TDRD9: variants seen among roughly 807,000 people sequenced by gnomAD.
The protein encoded by TDRD9 is tudor domain containing 9.
Under a neutral mutation model 172.6 loss-of-function variants are expected in TDRD9, and 124 were observed. The observed-to-expected ratio is 0.72, with a 90% CI of 0.62 to 0.83. The LOEUF (loss-of-function observed/expected upper bound fraction) is 0.83. Among genes scored for constraint, TDRD9 ranks in the 40% least tolerant of loss-of-function variants. The probability of loss-of-function intolerance (pLI) is 0.00; values close to 1 mark genes in which losing one functional copy is unlikely to be tolerated. For synonymous variants in TDRD9, 619 were observed against 617.1 expected, an observed-to-expected ratio of 1.00 and a Z score of -0.05; for missense variants, 1,479 against 1,714.1, an observed-to-expected ratio of 0.86 and a Z score of 2.42.
chr14:103,930,212 G>A (rs1304325328), intron 1 of TDRD9, among the ~76,000 whole-genome samples: 1 of 151,270 alleles, frequency 6.6e-6, no homozygotes, highest in Non-Finnish European at 1.5e-5. Context: ...TTGAGACATA[G>A]TTTCGCTCTT....
In TDRD9 at chr14:104,031,193, A is replaced by T. The variant is rs2035268858; in HGVS notation, c.3368A>T (p.Asp1123Val). The T allele has an allele frequency of 2.6e-6, 4 of 1,551,734 alleles. No individual in the cohort carries two copies. ...TCTGTGCCCTTTCCCATGAAAGACG[A>T]CGAGAAATATCTCATCCGGATTTTG... ...DGSVPFPMKD[D>V]EKYLIRILLE... Residue 1123 changes from aspartate (D) to valine (V), a missense_variant, in exon 29 of 36, where the codon GAC becomes GTC. By Grantham distance (152) the Asp-to-Val change is radical (BLOSUM62 -3). Around this residue, in one of 3 missense-constraint regions of TDRD9, gnomAD observed 1,413 missense variants for 1,649.1 expected, o/e 0.86. Transcript: ENST00000409874.
intron 35 of TDRD9, 164 bp downstream of exon 35, chr14:104,049,844 A>G (rs2035891070): frequency 1.6e-6 from 1 of 606,848 alleles, no homozygotes; most frequent in Non-Finnish European, 3.0e-6. Context: ...GTCTCAGACC[A>G]GACAGGCTGT....
chr14:103,993,662 C>A (rs963213422), intron 9 of TDRD9, among the ~76,000 whole-genome samples: 2 of 152,218 alleles, frequency 1.3e-5, no homozygotes, highest in South Asian at 2.1e-4. Context: ...TCTCTGTTGT[C>A]ACATGGCATT....
intron 4 of TDRD9, 75 bp from the exon 5 acceptor site, chr14:103,966,634 C>T (rs2032759992): frequency 5.4e-6 from 7 of 1,303,458 alleles, no homozygotes; most frequent in South Asian, 1.8e-5. Flanking sequence ...CCTTTCTTAC[C>T]CCCATTATAT....
At chr14:103,956,182 G>A (rs1481334374) in intron 2 of TDRD9, among the ~76,000 whole-genome samples, 1 of 126,742 alleles carries the variant, frequency 7.9e-6, no homozygotes, top group Non-Finnish European at 1.6e-5. Context: ...GCTCATGCCT[G>A]TAATCCCAGC....
At chr14:103,948,340 A>G (rs2031682766) in intron 1 of TDRD9, among the ~76,000 whole-genome samples, 1 of 152,162 alleles carries the variant, frequency 6.6e-6, no homozygotes, top group African/African-American at 2.4e-5. Context: ...AAAATTGGCA[A>G]AACAGGAGTT....
chr14:104,044,525 C>A (rs1374882122), intron 34 of TDRD9, among the ~76,000 whole-genome samples: 1 of 152,126 alleles, frequency 6.6e-6, no homozygotes, highest in South Asian at 2.1e-4. Flanking sequence ...TATATATTTG[C>A]CTTCTCTGAC....
intron 6 of TDRD9, among the ~76,000 whole-genome samples, chr14:103,970,849 T>C (rs886994647): frequency 6.6e-6 from 1 of 152,248 alleles, no homozygotes; most frequent in Admixed American, 6.5e-5. Flanking sequence ...TTATCTACAA[T>C]ACTGAATATA....
chr14:104,001,465 T>C lies in TDRD9; in HGVS notation c.1483+2737T>C, dbSNP rs147416520. Among the ~76,000 whole-genome samples, 37 of 152,324 alleles carry C rather than the reference T, an allele frequency of 2.4e-4. No homozygotes were observed. In the East Asian group the frequency reaches 6.9e-3, roughly 29 times the overall value. Reference sequence around the variant, plus strand: ...CTGAACATTTACCTGTTTAAGGACATTTGAGGTTTTTCCAATTCTTGCCGT... The same window carrying C: ...CTGAACATTTACCTGTTTAAGGACACTTGAGGTTTTTCCAATTCTTGCCGT... On this transcript the variant is annotated intron_variant, in intron 13 of 35. Transcript: ENST00000409874.
chr14:103,931,298 CAAAAAA>C (rs35115834), intron 1 of TDRD9, among the ~76,000 whole-genome samples: 1 of 132,104 alleles, frequency 7.6e-6, no homozygotes, highest in Admixed American at 7.5e-5. Flanking sequence ...GACCCTGTCT[CAAAAAA>C]AAAAAAAAAA....
rs769364656 is a variant in TDRD9 at position 103,965,316 on chromosome 14, ATT to A, written c.421-12_421-11del. The A allele has an allele frequency of 9.0e-6, 14 of 1,549,414 alleles. No individual in the cohort carries two copies. The African/African-American group carries it at 1.6e-4, about 18-fold the overall frequency. ...GCCATTTTGTGCTGATTTTGAAAGA[ATT>A]TTTTAAATTTCTAGGTTGTGTCTTT... is the stretch of plus-strand genomic sequence containing the variant. On this transcript the variant is annotated splice_polypyrimidine_tract_variant and intron_variant, in intron 3 of 35. Transcript: ENST00000409874.
At chr14:103,994,828 A>C (rs1453869313) in intron 11 of TDRD9, among the ~76,000 whole-genome samples, 1 of 151,902 alleles carries the variant, frequency 6.6e-6, no homozygotes, top group Non-Finnish European at 1.5e-5. Flanking sequence ...AGTGGCATGC[A>C]CCTGTAGTCC....
chr14:103,974,318 A>G (rs75505606), intron 6 of TDRD9, among the ~76,000 whole-genome samples: 3,531 of 152,348 alleles, frequency 0.023, 79 homozygotes, highest in East Asian at 0.071. Flanking sequence ...ACGTAGCATT[A>G]TGGAGACTGC....
At chr14:104,013,473 A>G (rs2034677950) in intron 20 of TDRD9, among the ~76,000 whole-genome samples, 1 of 150,964 alleles carries the variant, frequency 6.6e-6, no homozygotes, top group African/African-American at 2.4e-5. Context: ...TGCTATTCTG[A>G]CCTCTGGGTG....
Position 104,007,184 on chromosome 14 carries a change from G to C in TDRD9, c.2032G>C (p.Gly678Arg), listed in dbSNP as rs2152220022. The C allele has an allele frequency of 1.2e-6, 2 of 1,613,858 alleles. No individual in the cohort carries two copies. Among genetic ancestry groups the C allele is most frequent in the South Asian group, 2.2e-5 (2 of 91,064 alleles). ...FKTWKACRQT[G>R]ELRYPKDELN... ...GACATGGAAGGCTTGCAGACAGACA[G>C]GGGAGCTGCGGTACCCGAAGGTTGG... is the stretch of plus-strand genomic sequence containing the variant. The change falls in exon 19 of 36, where the codon GGG becomes CGG. Residue 678 changes from glycine (G) to arginine (R), a missense_variant. By Grantham distance (125) the Gly-to-Arg change is moderately radical. Coordinates refer to ENST00000409874, the MANE Select transcript of TDRD9 (RefSeq NM_153046.3).
chr14:103,947,924 A>G (rs1474475237), intron 1 of TDRD9, among the ~76,000 whole-genome samples: 1 of 152,254 alleles, frequency 6.6e-6, no homozygotes, highest in African/African-American at 2.4e-5. Flanking sequence ...GCAGCTCACA[A>G]GATGGAGAAA....
intron 22 of TDRD9, among the ~76,000 whole-genome samples, chr14:104,017,708 T>C (rs1455421009): frequency 6.6e-6 from 1 of 151,848 alleles, no homozygotes. Context: ...GAAATACATA[T>C]TCCTCTCATT....
rs929144780 is a variant in TDRD9 at position 104,039,283 on chromosome 14, CGTG to C, written c.3717-911_3717-909del. Among the ~76,000 whole-genome samples the C allele has an allele frequency of 5.3e-5, 8 of 152,268 alleles. No individual in the cohort carries two copies. The East Asian group carries it at 9.7e-4, about 18-fold the overall frequency. On this transcript the variant is annotated intron_variant, in intron 32 of 35. Transcript: ENST00000409874. ...CTTCCAGAGGGTCCCTCCCATGACACGTGGGGATTATTTAGGATGAGATTTGGG... is the reference window on the plus strand; with the variant it reads ...CTTCCAGAGGGTCCCTCCCATGACACGGGATTATTTAGGATGAGATTTGGG...
intron 1 of TDRD9, among the ~76,000 whole-genome samples, chr14:103,938,382 ATGTGTGTGTGTG>A (rs71126086): frequency 0.21 from 7,902 of 37,628 alleles, 1,086 homozygotes; most frequent in Non-Finnish European, 0.22. Flanking sequence ...TGCCCCATAT[ATGTGTGTGTGTG>A]TGTGTGTGTG....
Sources: allele counts gnomAD v4.1 joint callset (sites outside exome capture counted in the v4.1 genomes callset), GRCh38; gene constraint gnomAD v4.1.1; regional missense constraint gnomAD v4.1.1; transcripts MANE v1.5; gene names NCBI Gene and HGNC (gene_info 2026-07-23, HGNC 2026-07-21).